Variants in PPP1R1C observed in about 807,000 individuals in gnomAD.
The protein encoded by PPP1R1C is protein phosphatase 1 regulatory subunit 1C.
A neutral mutation model predicts 17.4 loss-of-function variants in PPP1R1C; 15 were observed. That is an observed-to-expected ratio of 0.86 (90% confidence interval 0.58 to 1.33). The LOEUF is 1.33. PPP1R1C is among the 40% of genes most tolerant of loss of function. The pLI is 0.00. For missense variants in PPP1R1C, 143 were observed against 130.0 expected (o/e 1.10, Z -0.48); for synonymous variants, 35 against 43.1 (o/e 0.81, Z 0.73).
intron 2 of PPP1R1C, among the ~76,000 whole-genome samples, chr2:181,994,986 G>A (rs572181885): frequency 6.6e-6 from 1 of 152,210 alleles, no homozygotes; most frequent in Non-Finnish European, 1.5e-5. Context: ...GCCTGTGAAC[G>A]ATTCAAAGTC....
chr2:182,131,044 A>G (rs1331126254), downstream of PPP1R1C: 3 of 152,232 alleles, frequency 2.0e-5, no homozygotes, highest in East Asian at 5.8e-4. Flanking sequence ...TTGGCAGAAC[A>G]GTGTTAAAAA....
chr2:182,014,696 G>A (rs909245566), intron 2 of PPP1R1C, among the ~76,000 whole-genome samples: 1 of 151,972 alleles, frequency 6.6e-6, no homozygotes, highest in Admixed American at 6.6e-5. Context: ...CCTAGAACAG[G>A]GAACGTTAGT....
chr2:182,054,581 A>G (rs1430974391), intron 2 of PPP1R1C, among the ~76,000 whole-genome samples: 1 of 150,862 alleles, frequency 6.6e-6, no homozygotes, highest in African/African-American at 2.4e-5. Flanking sequence ...TTTTTTTTTC[A>G]CTCAACATAA....
intron 2 of PPP1R1C, among the ~76,000 whole-genome samples, chr2:182,013,199 A>G (rs951722026): frequency 6.6e-6 from 1 of 152,154 alleles, no homozygotes; most frequent in South Asian, 2.1e-4. Flanking sequence ...TTAGCATTTC[A>G]TATAGGACAG....
At chr2:182,112,979 A>T (rs1387307061) in intron 4 of PPP1R1C, among the ~76,000 whole-genome samples, 1 of 152,194 alleles carries the variant, frequency 6.6e-6, no homozygotes, top group Non-Finnish European at 1.5e-5. Context: ...CTTTTTTGTA[A>T]CTTATAGTAC....
chr2:181,954,617 C>T (rs181712928), exon 1 of PPP1R1C: 1 of 152,278 alleles, frequency 6.6e-6, no homozygotes, highest in East Asian at 1.9e-4. Context: ...ACGTCAGAAT[C>T]ATCACAACTG....
intron 2 of PPP1R1C, among the ~76,000 whole-genome samples, chr2:182,054,500 G>C (rs1043335173): frequency 6.6e-6 from 1 of 151,568 alleles, no homozygotes; most frequent in Non-Finnish European, 1.5e-5. Context: ...TCTCCATCTT[G>C]AATAACAAAA....
chr2:182,075,668 C>T (rs1189183262), intron 4 of PPP1R1C, among the ~76,000 whole-genome samples: 2 of 152,196 alleles, frequency 1.3e-5, no homozygotes, highest in African/African-American at 4.8e-5. Context: ...TATTGTAATG[C>T]ATATTTTAAA....
At chr2:182,003,834 A>G (rs1685841055) in intron 2 of PPP1R1C, among the ~76,000 whole-genome samples, 1 of 152,318 alleles carries the variant, frequency 6.6e-6, no homozygotes, top group East Asian at 1.9e-4. Flanking sequence ...TTAACTTTGA[A>G]ATAGATTGTT....
intron 2 of PPP1R1C, among the ~76,000 whole-genome samples, chr2:182,043,715 C>T (rs1243181133): frequency 6.6e-6 from 1 of 151,154 alleles, no homozygotes; most frequent in African/African-American, 2.4e-5. Context: ...TGTCTTTTTA[C>T]AGGCCTCTTC....
chr2:182,081,143 C>T (rs1688463251), intron 4 of PPP1R1C, among the ~76,000 whole-genome samples: 1 of 152,074 alleles, frequency 6.6e-6, no homozygotes, highest in African/African-American at 2.4e-5. Context: ...TCAGTGTGTG[C>T]AGTTGTTGGG....
rs1467553576 is a variant in PPP1R1C, at chr2:182,066,963, TG to T, written c.241+3173del. On this transcript the variant is annotated intron_variant, in intron 4 of 4. Transcript: ENST00000682840. Reference sequence around the variant, plus strand: ...TTTTGTGTGTGTGTCTGTGTGTGTGTGTGTTTGTGTGTGTGTGTGTGTGTGT... The same window carrying T: ...TTTTGTGTGTGTGTCTGTGTGTGTGTTGTTTGTGTGTGTGTGTGTGTGTGT... 2.0e-4 allele frequency among the ~76,000 whole-genome samples: 14 copies of T among 70,554 alleles called. No individual in the cohort carries two copies. The East Asian group carries it at 4.8e-3, about 24-fold the overall frequency. 46.3% of individuals were successfully genotyped at this position (70,554 alleles called of 152,430 possible).
At chr2:181,995,261 C>T (rs544165292) in intron 2 of PPP1R1C, among the ~76,000 whole-genome samples, 11 of 152,090 alleles carry the variant, frequency 7.2e-5, no homozygotes, top group Non-Finnish European at 8.8e-5. Flanking sequence ...GACTAGATGC[C>T]TGATAAATGA....
chr2:182,089,633 A>G (rs1379747675), intron 4 of PPP1R1C, among the ~76,000 whole-genome samples: 1 of 152,104 alleles, frequency 6.6e-6, no homozygotes, highest in Non-Finnish European at 1.5e-5. Flanking sequence ...CTAAAGTCTC[A>G]TTTTCATTAC....
At chr2:182,084,662 A>G (rs1305290737) in intron 4 of PPP1R1C, among the ~76,000 whole-genome samples, 7 of 152,116 alleles carry the variant, frequency 4.6e-5, no homozygotes, top group African/African-American at 1.4e-4. Flanking sequence ...TTTGGTTACT[A>G]TAGCCTTGTA....
chr2:182,090,830 A>T (rs1232283773), intron 4 of PPP1R1C, among the ~76,000 whole-genome samples: 1 of 152,218 alleles, frequency 6.6e-6, no homozygotes, highest in Non-Finnish European at 1.5e-5. Flanking sequence ...CAAATTCTCC[A>T]TTTACACATG....
rs900172054 is a variant in PPP1R1C, at chr2:182,033,071, G to A, written c.143-28371G>A. ...TACTATTAATAATTATCCAATAATT[G>A]CCAAATCCAGTAATCATTTTTAAAG... On this transcript the variant is annotated intron_variant, in intron 2 of 4. Coordinates refer to ENST00000682840, the MANE Select transcript of PPP1R1C (RefSeq NM_001080545.3). Among the ~76,000 whole-genome samples the A allele has an allele frequency of 3.3e-5, 5 of 152,088 alleles. No homozygotes were observed. In the East Asian group the frequency reaches 9.6e-4, roughly 29 times the overall value.
At chr2:182,098,100 C>G (rs1688996146) in intron 4 of PPP1R1C, among the ~76,000 whole-genome samples, 5 of 152,014 alleles carry the variant, frequency 3.3e-5, no homozygotes, top group Admixed American at 3.3e-4. Flanking sequence ...GTCTCCATAT[C>G]CTAGATGACA....
At chr2:181,988,859 T>C (rs1685377779) in intron 2 of PPP1R1C, among the ~76,000 whole-genome samples, 1 of 152,170 alleles carries the variant, frequency 6.6e-6, no homozygotes, top group Non-Finnish European at 1.5e-5. Context: ...AAGAAAATTT[T>C]CAGGTGATGG....
Sources: gnomAD v4.1 joint callset for allele counts (sites outside exome capture counted in the v4.1 genomes callset) on GRCh38, gnomAD v4.1.1 for gene constraint, MANE v1.5 for transcripts, NCBI Gene and HGNC (gene_info 2026-07-23, HGNC 2026-07-21) for gene names.